Variants in NXN observed in about 807,000 individuals in gnomAD.
NXN encodes nucleoredoxin, also known as nucleoredoxin 1.
In NXN, 16 loss-of-function variants were observed where a neutral mutation model predicts 48.6. That is an observed-to-expected ratio of 0.33 (90% CI 0.22 to 0.50). The LOEUF is 0.50. Among genes scored for constraint, NXN ranks in the 20% least tolerant of loss-of-function variants. The probability of loss-of-function intolerance (pLI) is 0.98; values close to 1 mark genes in which losing one functional copy is unlikely to be tolerated. For synonymous variants in NXN, 281 were observed against 269.6 expected, an observed-to-expected ratio of 1.04 and a Z score of -0.41; for missense variants, 492 against 605.5, an observed-to-expected ratio of 0.81 and a Z score of 1.97.
Position 971,906 on chromosome 17 carries a change from G to A in NXN, c.360+7413C>T, listed in dbSNP as rs985943069. On this transcript the variant is annotated intron_variant, in intron 1 of 7. Coordinates refer to ENST00000336868, the MANE Select transcript of NXN (RefSeq NM_022463.5). ...ATCCTGGCCGGGCGCCGCAGCTCAC[G>A]CTGTGATCCCAGCACTTTGGAAGCC... Among the ~76,000 whole-genome samples, 8 of 152,114 alleles carry A rather than the reference G, an allele frequency of 5.3e-5. 1 individual carries two copies. Among genetic ancestry groups the A allele is most frequent in the East Asian group, 2.0e-4 (1 of 5,128 alleles).
chr17:847,746 G>C (rs546806859), intron 1 of NXN, among the ~76,000 whole-genome samples: 1 of 152,290 alleles, frequency 6.6e-6, no homozygotes, highest in East Asian at 1.9e-4. Context: ...AGTAACAGCA[G>C]GGAGAGAGAG....
chr17:812,710 ATG>A (rs1567812572), intron 5 of NXN, among the ~76,000 whole-genome samples: 3 of 130,050 alleles, frequency 2.3e-5, no homozygotes, highest in African/African-American at 2.8e-5. Context: ...AGGTGTTTGC[ATG>A]TGAGTGTAGG....
rs149612610 is a variant in NXN at position 973,572 on chromosome 17, G to A, written c.360+5747C>T. Among the ~76,000 whole-genome samples the A allele has an allele frequency of 8.5e-5, 13 of 152,298 alleles. No homozygotes were observed. In the South Asian group the frequency reaches 1.4e-3, roughly 17 times the overall value. ...CGTCATTGGCAGATAGAAATACAGA[G>A]CTCAGTAAGTATCAGTAATATCCCG... On this transcript the variant is annotated intron_variant, in intron 1 of 7. Coordinates refer to ENST00000336868, the MANE Select transcript of NXN (RefSeq NM_022463.5).
intron 1 of NXN, among the ~76,000 whole-genome samples, chr17:843,006 G>GAGAAAGAAAGAAAGAAAGAAAGAAAGAA (rs781376999): frequency 1.0e-5 from 1 of 96,042 alleles, no homozygotes; most frequent in Non-Finnish European, 2.1e-5. Context: ...GAGAGAAAGA[G>GAGAAAGAAAGAAAGAAAGAAAGAAAGAA]AGAAAGAAAG....
At chr17:910,535 GT>G (rs1304571074) in intron 1 of NXN, among the ~76,000 whole-genome samples, 1 of 151,642 alleles carries the variant, frequency 6.6e-6, no homozygotes, top group Non-Finnish European at 1.5e-5. Context: ...GTTTTTATTT[GT>G]TTTTTAGAAG....
intron 1 of NXN, among the ~76,000 whole-genome samples, chr17:934,172 G>GGTGGCTCA (rs2068882078): frequency 6.6e-6 from 1 of 151,840 alleles, no homozygotes; most frequent in African/African-American, 2.4e-5. Flanking sequence ...GAGGCCGGGC[G>GGTGGCTCA]CGGTGGCTCA....
chr17:962,504 C>T (rs1270353029), intron 1 of NXN, among the ~76,000 whole-genome samples: 6 of 151,956 alleles, frequency 3.9e-5, no homozygotes, highest in Non-Finnish European at 8.8e-5. Flanking sequence ...CCCGTCTCTA[C>T]CAAAAATACA....
intron 1 of NXN, among the ~76,000 whole-genome samples, chr17:912,721 T>C (rs2068648347): frequency 6.6e-6 from 1 of 152,052 alleles, no homozygotes; most frequent in Non-Finnish European, 1.5e-5. Flanking sequence ...GGGAGGCCGA[T>C]GCGGGCGGAT....
At chr17:895,799 T>C (rs62068455) in intron 1 of NXN, among the ~76,000 whole-genome samples, 89,344 of 118,992 alleles carry the variant, frequency 0.75, 30,203 homozygotes, top group African/African-American at 0.9. Context: ...GCCTGGGTTT[T>C]GTTTGTCTCA....
intron 1 of NXN, among the ~76,000 whole-genome samples, chr17:934,976 CTTTAT>C (rs2068893544): frequency 7.2e-6 from 1 of 138,250 alleles, no homozygotes; most frequent in Non-Finnish European, 1.6e-5. Flanking sequence ...TTGCTGTGCT[CTTTAT>C]TTTTTTTTAT....
At chr17:960,264 T>C (rs1484924984) in intron 1 of NXN, among the ~76,000 whole-genome samples, 1 of 152,204 alleles carries the variant, frequency 6.6e-6, no homozygotes, top group Non-Finnish European at 1.5e-5. Context: ...TGGTATCATG[T>C]ATAATTTGGG....
chr17:845,188 A>C (rs924318715), intron 1 of NXN, among the ~76,000 whole-genome samples: 1 of 64,604 alleles, frequency 1.5e-5, no homozygotes, highest in African/African-American at 1.5e-4. Context: ...GTGAGAGAGA[A>C]TTCCACCCTT....
At chr17:845,750 C>T (rs909535416) in intron 1 of NXN, among the ~76,000 whole-genome samples, 2 of 152,252 alleles carry the variant, frequency 1.3e-5, no homozygotes, top group African/African-American at 4.8e-5. Context: ...ACACATTTGT[C>T]ATGGTTCCTC....
chr17:921,411 G>A (rs958269866), intron 1 of NXN, among the ~76,000 whole-genome samples: 1 of 152,020 alleles, frequency 6.6e-6, no homozygotes, highest in Non-Finnish European at 1.5e-5. Flanking sequence ...GGTCCACGGC[G>A]CCCCCTGAAA....
chr17:827,803 G>A (rs4393629), intron 1 of NXN, among the ~76,000 whole-genome samples: 1 of 151,744 alleles, frequency 6.6e-6, no homozygotes, highest in South Asian at 2.1e-4. Context: ...AAGGATGTGT[G>A]GCAGCCAAGC....
chr17:892,445 C>G (rs1328918670), intron 1 of NXN, among the ~76,000 whole-genome samples: 2 of 152,218 alleles, frequency 1.3e-5, no homozygotes, highest in East Asian at 3.8e-4. Context: ...CTCTCCAAAT[C>G]CACCTGGTGC....
At chr17:891,019 C>A (rs1272912692) in intron 1 of NXN, among the ~76,000 whole-genome samples, 1 of 57,202 alleles carries the variant, frequency 1.7e-5, no homozygotes, top group Non-Finnish European at 5.3e-5. Context: ...ATCTATCTAT[C>A]GGTCTGTCTG....
chr17:970,226 A>C (rs2069357765), intron 1 of NXN, among the ~76,000 whole-genome samples: 1 of 152,138 alleles, frequency 6.6e-6, no homozygotes, highest in African/African-American at 2.4e-5. Context: ...GTGGTGCAGA[A>C]AGCACAGGTT....
intron 5 of NXN, among the ~76,000 whole-genome samples, chr17:807,297 A>G (rs550370154): frequency 6.6e-6 from 1 of 152,338 alleles, no homozygotes; most frequent in African/African-American, 2.4e-5. Context: ...TTGGGCAATT[A>G]TGAGCACTGG....
Sources: gnomAD v4.1 joint callset for allele counts (sites outside exome capture counted in the v4.1 genomes callset) on GRCh38, gnomAD v4.1.1 for gene constraint, MANE v1.5 for transcripts, NCBI Gene and HGNC (gene_info 2026-07-23, HGNC 2026-07-21) for gene names.